The following SH3RF3 variants were observed in gnomAD, a reference collection of about 807,000 sequenced individuals.
The protein encoded by SH3RF3 is SH3 domain containing ring finger 3, also known as E3 ubiquitin-protein ligase SH3RF3.
Under a neutral mutation model 66.3 loss-of-function variants are expected in SH3RF3, and 29 were observed. That is an observed-to-expected ratio of 0.44 (90% CI 0.33 to 0.60). The LOEUF is 0.60. SH3RF3 is among the 20% of genes least tolerant of loss of function. SH3RF3 has a pLI of 0.04. For synonymous variants in SH3RF3, 583 were observed against 532.0 expected (o/e 1.10, Z -1.32); for missense variants, 1,194 against 1,190.9 (o/e 1.00, Z -0.04).
chr2:109,201,868 G>T (rs1402356822), intron 1 of SH3RF3, among the ~76,000 whole-genome samples: 1 of 152,228 alleles, frequency 6.6e-6, no homozygotes, highest in East Asian at 1.9e-4. Context: ...ATTATGTCCT[G>T]TGTTGCTAAG....
chr2:109,495,154 G>C (rs1365594113), intron 9 of SH3RF3, among the ~76,000 whole-genome samples: 1 of 152,214 alleles, frequency 6.6e-6, no homozygotes, highest in Non-Finnish European at 1.5e-5. Context: ...TTGTCCTGCG[G>C]ACTATGTGCA....
chr2:109,298,789 C>G (rs2105388286), intron 1 of SH3RF3, among the ~76,000 whole-genome samples: 1 of 152,300 alleles, frequency 6.6e-6, no homozygotes, highest in Admixed American at 6.5e-5. Flanking sequence ...CCCTCTGTGT[C>G]TCTCCCCAGG....
chr2:109,226,179 G>C (rs1679370301), intron 1 of SH3RF3, among the ~76,000 whole-genome samples: 1 of 152,178 alleles, frequency 6.6e-6, no homozygotes, highest in South Asian at 2.1e-4. Flanking sequence ...CCAGGTTTAT[G>C]AACCCAGCTC....
chr2:109,490,453 T>C (rs1032646532), intron 8 of SH3RF3, among the ~76,000 whole-genome samples, 152 bp from the exon 9 acceptor site: 1 of 152,196 alleles, frequency 6.6e-6, no homozygotes, highest in Admixed American at 6.5e-5. Context: ...CTCTGGCTAC[T>C]GCTGTTGCTG....
At position 109,334,111 on chromosome 2, in the gene SH3RF3, C is replaced by T. The variant is rs78009632; in HGVS notation, c.574-13563C>T. On this transcript the variant is annotated intron_variant, in intron 1 of 9. Coordinates refer to ENST00000309415, the MANE Select transcript of SH3RF3 (RefSeq NM_001099289.3). ...CAGAGGCTCACGCCTATAATCCCAG[C>T]GCTTTGGGAGGCCAAAGTGGGAGGA... Among the ~76,000 whole-genome samples, 1,410 of 152,250 alleles carry T rather than the reference C, an allele frequency of 9.3e-3. 29 individuals are homozygous for T. Among genetic ancestry groups the T allele is most frequent in the African/African-American group, 0.032 (1,332 of 41,554 alleles).
At chr2:109,172,465 T>C (rs1677808151) in intron 1 of SH3RF3, among the ~76,000 whole-genome samples, 1 of 152,262 alleles carries the variant, frequency 6.6e-6, no homozygotes, top group Non-Finnish European at 1.5e-5. Context: ...AGCAAACTTT[T>C]ATCCTCTTGG....
At chr2:109,233,935 T>G (rs1170959075) in intron 1 of SH3RF3, among the ~76,000 whole-genome samples, 1 of 152,232 alleles carries the variant, frequency 6.6e-6, no homozygotes, top group Non-Finnish European at 1.5e-5. Context: ...GTACCACAGT[T>G]TGCATATCCA....
Position 109,129,558 on chromosome 2 carries a change from C to T in SH3RF3, c.18C>T (p.Ser6=), listed in dbSNP as rs778999812. ...CCTCCCCCATGCTGCTCGGAGCGTC[C>T]TGGCTGTGCGCATCCAAGGCGGCCG... MLLGA[S]WLCASKAAAA... The change falls in exon 1 of 10, where the codon TCC becomes TCT. Residue 6 remains serine (S), a synonymous_variant. Coordinates refer to ENST00000309415, the MANE Select transcript of SH3RF3 (RefSeq NM_001099289.3). 4 of 1,492,250 alleles carry T rather than the reference C, an allele frequency of 2.7e-6. No homozygotes were observed. The highest frequency in any genetic ancestry group is 2.8e-5 in the East Asian group (1 of 35,408). 92.4% of individuals were successfully genotyped at this position (1,492,250 alleles called of 1,614,324 possible). A position where few individuals can be genotyped will look rare whatever the true frequency, so the allele number is the denominator to read the frequency against.
chr2:109,437,244 T>C, intron 7 of SH3RF3, 98 bp downstream of exon 7: 3 of 1,455,400 alleles, frequency 2.1e-6, no homozygotes, highest in Non-Finnish European at 2.7e-6. Context: ...CAGCAGTGCA[T>C]GTGTGGCTGG....
At chr2:109,455,442 C>T (rs1573266043) in intron 8 of SH3RF3, among the ~76,000 whole-genome samples, 1 of 152,338 alleles carries the variant, frequency 6.6e-6, no homozygotes, top group South Asian at 2.1e-4. Flanking sequence ...ATGACAGCAG[C>T]AAGGCCTGGT....
intron 1 of SH3RF3, among the ~76,000 whole-genome samples, chr2:109,174,500 C>T (rs1677872966): frequency 1.3e-5 from 2 of 152,226 alleles, no homozygotes; most frequent in South Asian, 4.1e-4. Context: ...GCTGCCAGGC[C>T]CAGCCAGGGC....
intron 1 of SH3RF3, among the ~76,000 whole-genome samples, chr2:109,340,711 C>T (rs558448964): frequency 3.8e-4 from 58 of 152,234 alleles, no homozygotes; most frequent in Non-Finnish European, 7.2e-4. Flanking sequence ...AAGCTCTTTT[C>T]GTATCATCAG....
chr2:109,423,761 C>T (rs1352216356), intron 5 of SH3RF3, among the ~76,000 whole-genome samples: 2 of 152,132 alleles, frequency 1.3e-5, no homozygotes, highest in African/African-American at 4.8e-5. Flanking sequence ...GGCATGGCGG[C>T]ACCGTCCTCA....
chr2:109,366,909 G>A (rs1328545821), intron 2 of SH3RF3, among the ~76,000 whole-genome samples: 3 of 152,148 alleles, frequency 2.0e-5, no homozygotes, highest in Non-Finnish European at 2.9e-5. Flanking sequence ...TTTGTGGAAG[G>A]TAAGCTGAAA....
At chr2:109,197,653 T>A (rs1195694791) in intron 1 of SH3RF3, among the ~76,000 whole-genome samples, 1 of 152,152 alleles carries the variant, frequency 6.6e-6, no homozygotes, top group African/African-American at 2.4e-5. Flanking sequence ...ACCTTTGCAT[T>A]TGTGTTTTGT....
In SH3RF3 at chr2:109,470,162, G is replaced by A. The variant is rs1200049938; in HGVS notation, c.2149-20443G>A. 2.0e-5 allele frequency among the ~76,000 whole-genome samples: 3 copies of A among 152,108 alleles called. No homozygotes were observed. The East Asian group carries it at 5.8e-4, about 29-fold the overall frequency. ...TTGTCCCTTCTGGGGTGGCTGGGGT[G>A]GCCCTGTCTCCTCACCAAAGGCTCC... On this transcript the variant is annotated intron_variant, in intron 8 of 9. Transcript: ENST00000309415.
rs553916394 is a variant in SH3RF3 at position 109,200,271 on chromosome 2, G to T, written c.573+70158G>T. On this transcript the variant is annotated intron_variant, in intron 1 of 9. Transcript: ENST00000309415. ...ACCTGTAGTTGGGGCTTTCAGCAAG[G>T]TGTTCTCAGTGGGCGTCTGTTTGCT... 2.0e-5 allele frequency among the ~76,000 whole-genome samples: 3 copies of T among 152,258 alleles called. No homozygotes were observed. In the East Asian group the frequency reaches 5.8e-4, roughly 29 times the overall value.
rs1678985802 is a variant in SH3RF3 at position 109,211,726 on chromosome 2, C to T, written c.573+81613C>T. Among the ~76,000 whole-genome samples, 3 of 151,638 alleles carry T rather than the reference C, an allele frequency of 2.0e-5. No homozygotes were observed. The South Asian group carries it at 6.3e-4, about 32-fold the overall frequency. On this transcript the variant is annotated intron_variant, in intron 1 of 9. Coordinates refer to ENST00000309415, the MANE Select transcript of SH3RF3 (RefSeq NM_001099289.3). The stretch of plus-strand genomic sequence containing the variant: ...ATGGTGCAATCTTGGCTCACTTCAA[C>T]CTCCGCCTGCTGGGTTTAAGCAGTT...
At chr2:109,425,946 G>C (rs1017082420) in intron 5 of SH3RF3, among the ~76,000 whole-genome samples, 1 of 152,054 alleles carries the variant, frequency 6.6e-6, no homozygotes, top group Non-Finnish European at 1.5e-5. Context: ...CGTCCAGGCT[G>C]GAGTGCAGTG....
Sources: gnomAD v4.1 joint callset for allele counts (sites outside exome capture counted in the v4.1 genomes callset) on GRCh38, gnomAD v4.1.1 for gene constraint, MANE v1.5 for transcripts, NCBI Gene and HGNC (gene_info 2026-07-23, HGNC 2026-07-21) for gene names.